Variants in RPS6KC1 observed in about 807,000 individuals in gnomAD.
RPS6KC1 encodes ribosomal protein S6 kinase C1, also known as inactive ribosomal protein S6 kinase delta-1.
A neutral mutation model predicts 103.8 loss-of-function variants in RPS6KC1; 54 were observed. The observed-to-expected ratio is 0.52, with a 90% CI of 0.42 to 0.65. The LOEUF (loss-of-function observed/expected upper bound fraction) is 0.65, where lower values mean the gene tolerates loss of function less well. Ranked by LOEUF, RPS6KC1 falls within the 30% of genes least tolerant of loss-of-function variation. RPS6KC1 has a pLI of 0.00. For missense variants in RPS6KC1, 1,151 were observed against 1,253.8 expected (o/e 0.92, Z 1.24); for synonymous variants, 439 against 438.7 (o/e 1.00, Z -0.01).
At chr1:213,540,239 C>T in the RPS6KC1 span, among the ~76,000 whole-genome samples, 1 of 152,080 alleles carries the variant, frequency 6.6e-6, no homozygotes, top group East Asian at 1.9e-4. Context: ...CAGCCTTCTG[C>T]CTCAGTTTCC....
intron 6 of RPS6KC1, among the ~76,000 whole-genome samples, chr1:213,163,901 T>C (rs1236152369): frequency 6.6e-6 from 1 of 152,216 alleles, no homozygotes; most frequent in African/African-American, 2.4e-5. Context: ...TTTCTCAAAT[T>C]CTTATGTTTA....
At chr1:213,374,506 T>A in the RPS6KC1 span, among the ~76,000 whole-genome samples, 1 of 152,168 alleles carries the variant, frequency 6.6e-6, no homozygotes, top group Non-Finnish European at 1.5e-5. Context: ...CAGCCAAGTT[T>A]TCTGATTCTC....
the RPS6KC1 span, among the ~76,000 whole-genome samples, chr1:213,728,465 C>T: frequency 6.6e-6 from 1 of 152,164 alleles, no homozygotes; most frequent in Non-Finnish European, 1.5e-5. Flanking sequence ...TAAACAAGAG[C>T]TAGTCTTTAT....
chr1:213,709,466 T>C, the RPS6KC1 span, among the ~76,000 whole-genome samples: 1 of 152,116 alleles, frequency 6.6e-6, no homozygotes, highest in Non-Finnish European at 1.5e-5. Flanking sequence ...CTGGCTAGTG[T>C]TCTATCTATT....
chr1:213,608,571 C>A, the RPS6KC1 span, among the ~76,000 whole-genome samples: 1 of 151,826 alleles, frequency 6.6e-6, no homozygotes, highest in Non-Finnish European at 1.5e-5. Flanking sequence ...CCTGGACAAA[C>A]GACAGACATA....
At chr1:213,402,886 G>A in the RPS6KC1 span, among the ~76,000 whole-genome samples, 3 of 150,102 alleles carry the variant, frequency 2.0e-5, no homozygotes, top group Non-Finnish European at 2.9e-5. Context: ...AGGCCGAGGC[G>A]GGCAGATCAC....
At chr1:213,184,353 G>A (rs1356458618) in intron 8 of RPS6KC1, among the ~76,000 whole-genome samples, 2 of 151,744 alleles carry the variant, frequency 1.3e-5, no homozygotes, top group Admixed American at 1.3e-4. Flanking sequence ...TTAGAAAATA[G>A]CAACAAAATC....
At chr1:213,117,165 T>C (rs2083749626) in intron 4 of RPS6KC1, 152 bp from the exon 5 acceptor site, 1 of 480,142 alleles carries the variant, frequency 2.1e-6, no homozygotes, top group Non-Finnish European at 3.7e-6. Context: ...ATACCTATTG[T>C]TTTTTTTTGA....
chr1:213,367,975 A>ATCTGTTGG, the RPS6KC1 span, among the ~76,000 whole-genome samples: 5 of 152,236 alleles, frequency 3.3e-5, no homozygotes, highest in African/African-American at 1.2e-4. Context: ...TTCAATGCAC[A>ATCTGTTGG]TCTGTTGGTC....
At chr1:213,450,465 C>T in the RPS6KC1 span, among the ~76,000 whole-genome samples, 1 of 151,934 alleles carries the variant, frequency 6.6e-6, no homozygotes, top group Non-Finnish European at 1.5e-5. Context: ...TGCTCTTACT[C>T]TTAGCTGCAC....
chr1:213,172,439 C>CAACAAATA (rs1165812285), intron 7 of RPS6KC1, among the ~76,000 whole-genome samples: 1 of 151,944 alleles, frequency 6.6e-6, no homozygotes, highest in Non-Finnish European at 1.5e-5. Context: ...ACTAAAAATA[C>CAACAAATA]AAAAAATAAA....
the RPS6KC1 span, among the ~76,000 whole-genome samples, chr1:213,506,345 A>G: frequency 6.6e-6 from 1 of 152,236 alleles, no homozygotes; most frequent in Non-Finnish European, 1.5e-5. Flanking sequence ...GGCGACACCC[A>G]TACCAGATGA....
At chr1:213,220,441 C>G (rs916725209) in intron 8 of RPS6KC1, among the ~76,000 whole-genome samples, 1 of 152,118 alleles carries the variant, frequency 6.6e-6, no homozygotes, top group Non-Finnish European at 1.5e-5. Context: ...ATTCTTGTGC[C>G]TCAGCCTCCC....
At chr1:213,758,479 GAGGC>G in the RPS6KC1 span, among the ~76,000 whole-genome samples, 1 of 152,050 alleles carries the variant, frequency 6.6e-6, no homozygotes, top group African/African-American at 2.4e-5. Flanking sequence ...TCAGGAGGCT[GAGGC>G]AGGAGAATCA....
At chr1:213,169,029 T>C (rs998332628) in intron 7 of RPS6KC1, among the ~76,000 whole-genome samples, 1 of 152,056 alleles carries the variant, frequency 6.6e-6, no homozygotes, top group African/African-American at 2.4e-5. Flanking sequence ...AATATAGTAA[T>C]TTTTTGCTGG....
At chr1:213,465,187 TC>T in the RPS6KC1 span, among the ~76,000 whole-genome samples, 2 of 152,104 alleles carry the variant, frequency 1.3e-5, no homozygotes, top group Non-Finnish European at 2.9e-5. Context: ...TTCGCCTTCT[TC>T]CCCTACCCCC....
At chr1:213,755,348 G>A in the RPS6KC1 span, among the ~76,000 whole-genome samples, 12 of 152,338 alleles carry the variant, frequency 7.9e-5, no homozygotes, top group South Asian at 4.1e-4. Context: ...CTTGTCTCAC[G>A]AGAGTCCAAT....
chr1:213,732,191 G>A, the RPS6KC1 span, among the ~76,000 whole-genome samples: 9 of 152,044 alleles, frequency 5.9e-5, no homozygotes, highest in Non-Finnish European at 1.3e-4. Context: ...AAATCTAGGT[G>A]GTACCATTTT....
the RPS6KC1 span, among the ~76,000 whole-genome samples, chr1:213,809,637 A>G: frequency 6.6e-6 from 1 of 152,224 alleles, no homozygotes; most frequent in East Asian, 1.9e-4. Flanking sequence ...GAAACTAAAC[A>G]TATGTACAGT....
Sources: allele counts gnomAD v4.1 joint callset (sites outside exome capture counted in the v4.1 genomes callset), GRCh38; gene constraint gnomAD v4.1.1; transcripts MANE v1.5; gene names NCBI Gene and HGNC (gene_info 2026-07-23, HGNC 2026-07-21).